ATP11A: variants seen among roughly 807,000 people sequenced by gnomAD.
ATP11A encodes the protein phospholipid-transporting ATPase IH.
In ATP11A, 81 loss-of-function variants were observed where a neutral mutation model predicts 154.4. That is an observed-to-expected ratio of 0.52 (90% CI 0.44 to 0.63). The LOEUF is 0.63. ATP11A is among the 30% of genes least tolerant of loss of function. The pLI, the probability that ATP11A is intolerant of heterozygous loss-of-function variation, is 0.00. For missense variants in ATP11A, 1,316 were observed against 1,474.3 expected, an observed-to-expected ratio of 0.89 and a Z score of 1.76; for synonymous variants, 623 against 585.9, an observed-to-expected ratio of 1.06 and a Z score of -0.91.
intron 1 of ATP11A, among the ~76,000 whole-genome samples, chr13:112,734,093 A>C (rs1025464212): frequency 1.2e-4 from 19 of 152,210 alleles, no homozygotes; most frequent in African/African-American, 4.6e-4. Context: ...GGCACAGTAG[A>C]CAGTGAGCCA....
At chr13:112,829,565 A>G (rs1159196721) in intron 12 of ATP11A, among the ~76,000 whole-genome samples, 1 of 152,218 alleles carries the variant, frequency 6.6e-6, no homozygotes, top group African/African-American at 2.4e-5. Flanking sequence ...ACCTCAACAC[A>G]ATAAAGGCCA....
At chr13:112,756,082 C>T (rs2076824013) in intron 1 of ATP11A, among the ~76,000 whole-genome samples, 1 of 152,260 alleles carries the variant, frequency 6.6e-6, no homozygotes, top group African/African-American at 2.4e-5. Flanking sequence ...CATTTCCAGT[C>T]ATGGAAGCAT....
rs1765867 is a variant in ATP11A, at chr13:112,787,119, C to T, written c.162+1862C>T. Among the ~76,000 whole-genome samples the T allele has an allele frequency of 1.3e-3, 108 of 85,462 alleles. 2 individuals are homozygous for T. Among genetic ancestry groups the T allele is most frequent in the African/African-American group, 6.0e-3 (91 of 15,156 alleles). The allele number at this position is 85,462 out of a possible 152,430, so 56.1% of individuals were successfully genotyped here. A position where few individuals can be genotyped will look rare whatever the true frequency, so the allele number is the denominator to read the frequency against. ...TACTTAATTCACACCGGTGTCCTGA[C>T]GTGTAGACCCCTGTGGAGACCTACT... On this transcript the variant is annotated intron_variant, in intron 2 of 29. Transcript: ENST00000375645.
intron 13 of ATP11A, 78 bp downstream of exon 13, chr13:112,831,626 C>T (rs556860384): frequency 5.7e-5 from 87 of 1,521,380 alleles, no homozygotes; most frequent in South Asian, 5.6e-4. Flanking sequence ...CCTTTTCACT[C>T]GAGTGTCCAG....
intron 18 of ATP11A, chr13:112,851,957 A>C (rs2079779573): frequency 6.6e-6 from 1 of 152,214 alleles, no homozygotes; most frequent in South Asian, 2.1e-4. Flanking sequence ...AAACTTAATG[A>C]AGTAGAAAAT....
At chr13:112,878,577 C>G in intron 29 of ATP11A, 1 of 529,660 alleles carries the variant, frequency 1.9e-6, no homozygotes, top group Non-Finnish European at 3.4e-6. Flanking sequence ...TCAGACACAG[C>G]TGACAGCGGA....
At chr13:112,810,165 G>C (rs930833569) in intron 4 of ATP11A, among the ~76,000 whole-genome samples, 1 of 152,204 alleles carries the variant, frequency 6.6e-6, no homozygotes, top group Non-Finnish European at 1.5e-5. Context: ...GCCAGTGGGG[G>C]CTTTTCCAAG....
intron 26 of ATP11A, among the ~76,000 whole-genome samples, chr13:112,872,773 C>T (rs1219248277): frequency 6.6e-6 from 1 of 151,018 alleles, no homozygotes; most frequent in Admixed American, 6.7e-5. Context: ...AGGGCTGTGG[C>T]GTCCCCACAT....
intron 17 of ATP11A, among the ~76,000 whole-genome samples, chr13:112,845,525 A>T (rs572104285): frequency 1.7e-5 from 2 of 120,240 alleles, no homozygotes; most frequent in African/African-American, 8.3e-5. Context: ...CACTAGCGGT[A>T]CTAACCAGTC....
In ATP11A at chr13:112,806,245, A is replaced by G. The variant is rs142033415; in HGVS notation, c.285A>G (p.Thr95=). ...TTGATACACCCACAAGTCCAGTGAC[A>G]AGCGGACTTCCACTCTTCTTTGTCA... ...LIIDTPTSPV[T]SGLPLFFVIT... Residue 95 remains threonine, a synonymous_variant, in exon 4 of 30, where the codon ACA becomes ACG. Coordinates refer to ENST00000375645, the MANE Select transcript of ATP11A (RefSeq NM_015205.3). The G allele has an allele frequency of 2.0e-5, 32 of 1,613,832 alleles. No homozygotes were observed. The African/African-American group carries it at 4.0e-4, about 20-fold the overall frequency.
intron 25 of ATP11A, among the ~76,000 whole-genome samples, chr13:112,871,204 C>T (rs1239481570): frequency 6.6e-6 from 1 of 152,166 alleles, no homozygotes; most frequent in Non-Finnish European, 1.5e-5. Flanking sequence ...CAACAGCAGG[C>T]AGGAGTCTGA....
At chr13:112,713,690 C>T (rs889163247) in intron 1 of ATP11A, among the ~76,000 whole-genome samples, 18 of 152,120 alleles carry the variant, frequency 1.2e-4, no homozygotes, top group Admixed American at 2.6e-4. Context: ...GTTTAATTTG[C>T]GGGAAGATCA....
intron 16 of ATP11A, 93 bp from the exon 17 acceptor site, chr13:112,842,183 C>G (rs1280403445): frequency 2.0e-6 from 2 of 1,002,002 alleles, no homozygotes; most frequent in Non-Finnish European, 3.0e-6. Flanking sequence ...ACTGCTATCC[C>G]TGTTTTTTGT....
intron 1 of ATP11A, among the ~76,000 whole-genome samples, chr13:112,766,249 T>C (rs2077074385): frequency 6.6e-6 from 1 of 152,214 alleles, no homozygotes; most frequent in South Asian, 2.1e-4. Context: ...GTTTTTCTGT[T>C]TTCTTTTGTT....
At chr13:112,829,894 C>G (rs1199065667) in intron 12 of ATP11A, among the ~76,000 whole-genome samples, 1 of 152,198 alleles carries the variant, frequency 6.6e-6, no homozygotes, top group Non-Finnish European at 1.5e-5. Context: ...ATATACCAGA[C>G]AAGAAACTAT....
chr13:112,822,968 G>T (rs2140212868), intron 8 of ATP11A, among the ~76,000 whole-genome samples: 1 of 152,204 alleles, frequency 6.6e-6, no homozygotes, highest in South Asian at 2.1e-4. Flanking sequence ...TTCCTGACTG[G>T]CTCCAGGTGC....
chr13:112,817,515 G>T (rs777635270), intron 6 of ATP11A, among the ~76,000 whole-genome samples: 1 of 152,214 alleles, frequency 6.6e-6, no homozygotes, highest in Non-Finnish European at 1.5e-5. Context: ...CTGTAAGCGG[G>T]TGTTGGTCCC....
intron 1 of ATP11A, among the ~76,000 whole-genome samples, chr13:112,730,021 G>A (rs1890322010): frequency 6.6e-6 from 1 of 152,212 alleles, no homozygotes; most frequent in Non-Finnish European, 1.5e-5. Context: ...AGCTGGAAGG[G>A]TGCAGAGTCT....
intron 4 of ATP11A, 115 bp from the exon 5 acceptor site, chr13:112,810,504 C>A: frequency 1.2e-6 from 1 of 840,976 alleles, no homozygotes; most frequent in South Asian, 1.5e-5. Context: ...TACACCCCCA[C>A]AGGCTTGGAT....
Sources: gnomAD v4.1 joint callset for allele counts (sites outside exome capture counted in the v4.1 genomes callset) on GRCh38, gnomAD v4.1.1 for gene constraint, MANE v1.5 for transcripts, NCBI Gene and HGNC (gene_info 2026-07-23, HGNC 2026-07-21) for gene names.